PPP2R5C: variants seen among roughly 807,000 people sequenced by gnomAD.
PPP2R5C encodes serine/threonine-protein phosphatase 2A 56 kDa regulatory subunit gamma isoform.
Under a neutral mutation model 68.9 loss-of-function variants are expected in PPP2R5C, and 7 were observed. The observed-to-expected ratio is 0.10, with a 90% CI of 0.06 to 0.19. The LOEUF (loss-of-function observed/expected upper bound fraction) is 0.19. Among genes scored for constraint, PPP2R5C ranks in the 10% least tolerant of loss-of-function variants. The pLI is 1.00. For synonymous variants in PPP2R5C, 210 were observed against 222.2 expected (o/e 0.95, Z 0.49); for missense variants, 348 against 641.3 (o/e 0.54, Z 4.94).
intron 1 of PPP2R5C, among the ~76,000 whole-genome samples, chr14:101,816,976 T>G (rs2039757338): frequency 2.1e-5 from 3 of 144,900 alleles, no homozygotes; most frequent in South Asian, 4.3e-4. Context: ...TTTTTTTTTT[T>G]GAGATGGAGT....
chr14:101,919,897 A>G (rs1422747438), intron 13 of PPP2R5C, among the ~76,000 whole-genome samples: 1 of 132,610 alleles, frequency 7.5e-6, no homozygotes, highest in Admixed American at 9.1e-5. Context: ...TGAACCTGGG[A>G]GGTGGAGGTT....
intron 13 of PPP2R5C, among the ~76,000 whole-genome samples, chr14:101,924,478 T>TG (rs1185530798): frequency 6.8e-6 from 1 of 147,806 alleles, no homozygotes; most frequent in Admixed American, 7.2e-5. Flanking sequence ...CTGGAGGCCC[T>TG]GTCACCCAGG....
At chr14:101,826,969 CT>C (rs1030539072) in intron 1 of PPP2R5C, among the ~76,000 whole-genome samples, 7,219 of 95,956 alleles carry the variant, frequency 0.075, 89 homozygotes, top group African/African-American at 0.11. Context: ...AAATGTTTAA[CT>C]TTTTTTTTTT....
intron 2 of PPP2R5C, among the ~76,000 whole-genome samples, chr14:101,878,819 A>C (rs1360106387): frequency 6.6e-6 from 1 of 152,264 alleles, no homozygotes; most frequent in Non-Finnish European, 1.5e-5. Context: ...CCACATCTAT[A>C]AAATGCCTTC....
chr14:101,805,182 C>A (rs953084379), upstream of PPP2R5C, among the ~76,000 whole-genome samples: 1 of 152,246 alleles, frequency 6.6e-6, no homozygotes, highest in Admixed American at 6.5e-5. Context: ...CAGCCTGCCT[C>A]GGCCTCCTGA....
At chr14:101,820,181 A>G (rs949505249) in intron 1 of PPP2R5C, 4 of 152,180 alleles carry the variant, frequency 2.6e-5, no homozygotes, top group Non-Finnish European at 5.9e-5. Context: ...CTATGAAGTG[A>G]GCTTATCAAT....
chr14:101,876,817 T>G (rs1421307269), intron 2 of PPP2R5C, among the ~76,000 whole-genome samples: 1 of 152,218 alleles, frequency 6.6e-6, no homozygotes, highest in African/African-American at 2.4e-5. Flanking sequence ...CAGAAACGTT[T>G]GGGAAGTGCT....
In PPP2R5C at chr14:101,882,405, T is replaced by C. The variant is rs372135196; in HGVS notation, c.405+134T>C. 9 of 572,236 alleles carry C rather than the reference T, an allele frequency of 1.6e-5. No individual in the cohort carries two copies. In the Middle Eastern group the frequency reaches 8.1e-4, roughly 51 times the overall value. The allele number at this position is 572,236 out of a possible 1,614,324, so 35.4% of individuals were successfully genotyped here. On this transcript the variant is annotated intron_variant, in intron 3 of 13. Coordinates refer to ENST00000334743, the Ensembl canonical transcript of PPP2R5C. This position sits in a 1 kb window ranked among gnomAD's most constrained non-coding sequence, Gnocchi z 4.9. Reference sequence around the variant, plus strand: ...GTAGCATGGGCCTCGTAAACCCATATGTACAAGAAAAATATTTCAGCAGAA... The same window carrying C: ...GTAGCATGGGCCTCGTAAACCCATACGTACAAGAAAAATATTTCAGCAGAA...
In PPP2R5C at chr14:101,831,865, T is replaced by C. The variant is rs10152015; in HGVS notation, c.94+21829T>C. 10,680 of 657,852 alleles carry C rather than the reference T, an allele frequency of 0.016. 821 individuals carry two copies. The African/African-American group carries it at 0.17, about 10-fold the overall frequency. The allele number at this position is 657,852 out of a possible 1,614,324, so 40.8% of individuals were successfully genotyped here. A position where few individuals can be genotyped will look rare whatever the true frequency, so the allele number is the denominator to read the frequency against. ...GGACCACTGTAGTCTGTTACTTACA[T>C]TGGCTTTAAAGTTGAGTTTAACTTG... On this transcript the variant is annotated intron_variant, in intron 1 of 13. Coordinates refer to ENST00000334743, the Ensembl canonical transcript of PPP2R5C.
At chr14:101,798,153 T>TA (rs781608022) in intron 3 of PPP2R5C, among the ~76,000 whole-genome samples, 1,961 of 143,618 alleles carry the variant, frequency 0.014, 28 homozygotes, top group African/African-American at 0.042. Flanking sequence ...GTTTCCAGTT[T>TA]AAAAAAAAAA....
At chr14:101,801,718 G>A (rs150020487) in intron 3 of PPP2R5C, among the ~76,000 whole-genome samples, 1 of 152,294 alleles carries the variant, frequency 6.6e-6, no homozygotes, top group African/African-American at 2.4e-5. Context: ...AACATCTCTC[G>A]TTTATGGTTT....
At chr14:101,824,239 A>G (rs2140291633) in intron 1 of PPP2R5C, 1 of 1,140,378 alleles carries the variant, frequency 8.8e-7, no homozygotes. Context: ...AAAATTAGAT[A>G]TATTCTTTTT....
intron 1 of PPP2R5C, chr14:101,819,197 T>C (rs569756913): frequency 1.1e-6 from 1 of 916,050 alleles, no homozygotes; most frequent in African/African-American, 1.7e-5. Context: ...TTTATGTAAT[T>C]GGTCAGACTT....
intron 2 of PPP2R5C, among the ~76,000 whole-genome samples, chr14:101,867,902 C>T (rs1406782491): frequency 3.3e-5 from 5 of 151,992 alleles, no homozygotes; most frequent in Admixed American, 6.6e-5. Context: ...TATTTTAATC[C>T]GCACTGTCTG....
rs1434586306 is a variant in PPP2R5C at position 101,891,949 on chromosome 14, TTTG to T, written c.690-1048_690-1046del. 3.9e-5 allele frequency among the ~76,000 whole-genome samples: 6 copies of T among 152,254 alleles called. No homozygotes were observed. The East Asian group carries it at 5.8e-4, about 15-fold the overall frequency. ...GCACAAGGGAACAGCTTTCTGTTTT[TTTG>T]TTTGTTTTTTGTTTTTGTTTTTGAG... On this transcript the variant is annotated intron_variant, in intron 6 of 13. Transcript: ENST00000334743. This position sits in a 1 kb window ranked among gnomAD's most constrained non-coding sequence, Gnocchi z 4.9.
rs11325673 is a variant in PPP2R5C at position 101,924,445 on chromosome 14, C to CTTTTTTTTTTTTTTTTTTTTT, written c.1444-684_1444-683insTTTTTTTTTTTTTTTTTTTTT. ...TTTACCTCCAAGGAAATTTCTACAT[C>CTTTTTTTTTTTTTTTTTTTTT]TTTTTTTTTTTTGAGATGGAGTCTG... On this transcript the variant is annotated intron_variant, in intron 13 of 13. Coordinates refer to ENST00000334743, the Ensembl canonical transcript of PPP2R5C. Among the ~76,000 whole-genome samples the CTTTTTTTTTTTTTTTTTTTTT allele has an allele frequency of 2.9e-3, 248 of 84,466 alleles. 37 individuals carry two copies. Among genetic ancestry groups the CTTTTTTTTTTTTTTTTTTTTT allele is most frequent in the African/African-American group, 6.2e-3 (142 of 23,036 alleles). The allele number at this position is 84,466 out of a possible 152,430, so 55.4% of individuals were successfully genotyped here.
At chr14:101,858,285 T>A (rs1404514234) in intron 2 of PPP2R5C, among the ~76,000 whole-genome samples, 1 of 152,224 alleles carries the variant, frequency 6.6e-6, no homozygotes, top group Non-Finnish European at 1.5e-5. Context: ...TATTTTCTCC[T>A]ATTACTTTCA....
At chr14:101,875,288 T>C (rs1595441327) in intron 2 of PPP2R5C, among the ~76,000 whole-genome samples, 1 of 152,278 alleles carries the variant, frequency 6.6e-6, no homozygotes, top group South Asian at 2.1e-4. Context: ...CGAGCACTCA[T>C]TGTGTGCCAG....
chr14:101,824,347 A>C, intron 1 of PPP2R5C: 1 of 355,118 alleles, frequency 2.8e-6, no homozygotes, highest in Non-Finnish European at 5.0e-6. Flanking sequence ...GTCTACGGGG[A>C]AACAGTAGGA....
Sources: gnomAD v4.1 joint callset for allele counts (sites outside exome capture counted in the v4.1 genomes callset) on GRCh38, gnomAD v4.1.1 for gene constraint, Gnocchi (gnomAD v3.1) non-coding constraint, MANE v1.5 for transcripts, NCBI Gene and HGNC (gene_info 2026-07-23, HGNC 2026-07-21) for gene names.